ADAM18: variants seen among roughly 807,000 people sequenced by gnomAD.
ADAM18 encodes the protein ADAM metallopeptidase domain 18, also known as disintegrin and metalloproteinase domain-containing protein 18.
In ADAM18, 117 loss-of-function variants were observed where a neutral mutation model predicts 94.4. That is an observed-to-expected ratio of 1.24 (90% CI 1.07 to 1.45). The LOEUF (loss-of-function observed/expected upper bound fraction) is 1.45, where lower values mean the gene tolerates loss of function less well. ADAM18 is among the 40% of genes most tolerant of loss of function. ADAM18 has a pLI of 0.00. For missense variants in ADAM18, 936 were observed against 880.0 expected, an observed-to-expected ratio of 1.06 and a Z score of -0.81; for synonymous variants, 327 against 291.6, an observed-to-expected ratio of 1.12 and a Z score of -1.24.
chr8:39,689,074 T>C (rs895490063), intron 16 of ADAM18, among the ~76,000 whole-genome samples: 1 of 152,154 alleles, frequency 6.6e-6, no homozygotes, highest in African/African-American at 2.4e-5. Flanking sequence ...TCTTGTAACT[T>C]TGTTTAAGTT....
chr8:39,716,218 A>T (rs1206438968), intron 18 of ADAM18, among the ~76,000 whole-genome samples: 2 of 149,436 alleles, frequency 1.3e-5, no homozygotes, highest in African/African-American at 2.5e-5. Context: ...AATACTTGCT[A>T]TTTTTTTTCT....
At chr8:39,638,103 A>T (rs557485596) in intron 9 of ADAM18, among the ~76,000 whole-genome samples, 4 of 151,896 alleles carry the variant, frequency 2.6e-5, no homozygotes, top group African/African-American at 7.2e-5. Context: ...TTTAATATTT[A>T]AAAATGCTTA....
chr8:39,680,625 C>T (rs1821430099), intron 16 of ADAM18, among the ~76,000 whole-genome samples: 1 of 152,052 alleles, frequency 6.6e-6, no homozygotes, highest in Non-Finnish European at 1.5e-5. Flanking sequence ...AGGTTTGGAA[C>T]CAAACAAGAA....
chr8:39,617,235 AT>A (rs1416008177), intron 6 of ADAM18, among the ~76,000 whole-genome samples: 2 of 152,258 alleles, frequency 1.3e-5, no homozygotes, highest in Admixed American at 1.3e-4. Context: ...CAACAAGCAT[AT>A]GAAAAAATGC....
At chr8:39,637,880 T>C (rs1395683490) in intron 9 of ADAM18, among the ~76,000 whole-genome samples, 177 bp downstream of exon 9, 1 of 151,982 alleles carries the variant, frequency 6.6e-6, no homozygotes, top group Non-Finnish European at 1.5e-5. Flanking sequence ...GTAACAATAA[T>C]CAGTTTTGTA....
chr8:39,634,585 T>C (rs1056398600), intron 7 of ADAM18, among the ~76,000 whole-genome samples: 1 of 152,160 alleles, frequency 6.6e-6, no homozygotes, highest in Non-Finnish European at 1.5e-5. Context: ...TAAGATTTAA[T>C]ATTGTTTGCT....
At chr8:39,710,896 A>G (rs1245103790) in intron 18 of ADAM18, among the ~76,000 whole-genome samples, 1 of 152,218 alleles carries the variant, frequency 6.6e-6, no homozygotes, top group East Asian at 1.9e-4. Context: ...ATGCATGATT[A>G]TTGCAAGATT....
intron 7 of ADAM18, among the ~76,000 whole-genome samples, chr8:39,636,571 T>C (rs1332882413): frequency 2.0e-5 from 3 of 152,160 alleles, no homozygotes; most frequent in African/African-American, 4.8e-5. Context: ...TTTTTAAAAG[T>C]ATATATGTTT....
intron 14 of ADAM18, among the ~76,000 whole-genome samples, chr8:39,674,983 G>A (rs969915385): frequency 2.0e-5 from 3 of 152,188 alleles, no homozygotes; most frequent in Admixed American, 6.5e-5. Flanking sequence ...GGTTTCTGCC[G>A]AGAGATCCAC....
At chr8:39,649,951 T>C (rs1450388072) in intron 12 of ADAM18, among the ~76,000 whole-genome samples, 1 of 152,180 alleles carries the variant, frequency 6.6e-6, no homozygotes, top group Non-Finnish European at 1.5e-5. Flanking sequence ...TGCCCATGTG[T>C]TTGAATGTTG....
chr8:39,669,030 C>A (rs989887285), intron 14 of ADAM18, among the ~76,000 whole-genome samples: 1 of 151,674 alleles, frequency 6.6e-6, no homozygotes, highest in Admixed American at 6.6e-5. Context: ...TTTCTGTGTG[C>A]TATTTTTCTA....
At chr8:39,646,229 A>G (rs1235021969) in intron 11 of ADAM18, among the ~76,000 whole-genome samples, 1 of 152,152 alleles carries the variant, frequency 6.6e-6, no homozygotes, top group Non-Finnish European at 1.5e-5. Context: ...ACATAGTGCT[A>G]TAGTGCTGTC....
intron 13 of ADAM18, 62 bp from the exon 14 acceptor site, chr8:39,667,936 T>C: frequency 6.7e-7 from 1 of 1,487,358 alleles, no homozygotes; most frequent in Non-Finnish European, 9.3e-7. Flanking sequence ...ATAAATCTTT[T>C]CACTAAGCAA....
chr8:39,720,969 CA>C (rs1182598454), intron 18 of ADAM18, among the ~76,000 whole-genome samples: 3 of 151,490 alleles, frequency 2.0e-5, no homozygotes, highest in Middle Eastern at 6.8e-3. Flanking sequence ...TCAAACTACC[CA>C]AATGTCTGTC....
At chr8:39,717,106 T>C (rs1822600661) in intron 18 of ADAM18, among the ~76,000 whole-genome samples, 1 of 151,796 alleles carries the variant, frequency 6.6e-6, no homozygotes. Flanking sequence ...TGTGTGAAAT[T>C]TGTATAGTTG....
intron 17 of ADAM18, among the ~76,000 whole-genome samples, chr8:39,694,525 G>A (rs140719204): frequency 6.6e-5 from 10 of 151,258 alleles, no homozygotes; most frequent in Admixed American, 5.3e-4. Flanking sequence ...TGTACTTTAC[G>A]TTTCTGATTT....
At chr8:39,614,248 C>T (rs1174819126) in intron 6 of ADAM18, among the ~76,000 whole-genome samples, 8 of 152,244 alleles carry the variant, frequency 5.3e-5, no homozygotes, top group African/African-American at 1.9e-4. Context: ...CTACAAAGAA[C>T]ACCCCATTAG....
At chr8:39,706,976 T>G in intron 18 of ADAM18, 72 bp downstream of exon 18, 1 of 821,988 alleles carries the variant, frequency 1.2e-6, no homozygotes, top group Non-Finnish European at 2.0e-6. Flanking sequence ...CAAATCTAAG[T>G]CATCTTGAAT....
At chr8:39,653,045 G>C (rs777378260) in intron 12 of ADAM18, among the ~76,000 whole-genome samples, 1 of 151,950 alleles carries the variant, frequency 6.6e-6, no homozygotes, top group Non-Finnish European at 1.5e-5. Flanking sequence ...GGGTGATGGT[G>C]GTCAAAGGAT....
Sources: allele counts gnomAD v4.1 joint callset (sites outside exome capture counted in the v4.1 genomes callset), GRCh38; gene constraint gnomAD v4.1.1; transcripts MANE v1.5; gene names NCBI Gene and HGNC (gene_info 2026-07-23, HGNC 2026-07-21).